Variants in PRKN observed in about 807,000 individuals in gnomAD.
PRKN encodes parkin RBR E3 ubiquitin protein ligase.
Under a neutral mutation model 59.5 loss-of-function variants are expected in PRKN, and 56 were observed. The observed-to-expected ratio is 0.94, with a 90% CI of 0.76 to 1.18. The LOEUF is 1.18. PRKN is among the 50% of genes most tolerant of loss of function. The probability of loss-of-function intolerance (pLI) is 0.00; values close to 1 mark genes in which losing one functional copy is unlikely to be tolerated. For missense variants in PRKN, 657 were observed against 596.4 expected, an observed-to-expected ratio of 1.10 and a Z score of -1.06; for synonymous variants, 250 against 222.1, an observed-to-expected ratio of 1.13 and a Z score of -1.12.
rs148164695 is a variant in PRKN, at chr6:162,724,353, A to G, written c.7+3309T>C. 4.3e-3 allele frequency among the ~76,000 whole-genome samples: 657 copies of G among 152,284 alleles called. 3 individuals carry two copies. Among genetic ancestry groups the G allele is most frequent in the African/African-American group, 0.015 (627 of 41,552 alleles). ...CAGGGCATTCAACACATCAATCACA[A>G]TGCAGGTGGGAAATGTAAGTACTTT... On this transcript the variant is annotated intron_variant, in intron 1 of 11. Transcript: ENST00000366898.
At chr6:162,356,042 C>T (rs1340565723) in intron 2 of PRKN, among the ~76,000 whole-genome samples, 1 of 152,100 alleles carries the variant, frequency 6.6e-6, no homozygotes, top group Non-Finnish European at 1.5e-5. Flanking sequence ...AGGGCTATCT[C>T]AGACATTCTG....
chr6:162,419,122 C>T (rs894616959), intron 2 of PRKN, among the ~76,000 whole-genome samples: 2 of 152,126 alleles, frequency 1.3e-5, no homozygotes, highest in East Asian at 1.9e-4. Context: ...AAATTAACTT[C>T]GACGTTCGTA....
At chr6:162,711,225 G>A (rs558094338) in intron 1 of PRKN, among the ~76,000 whole-genome samples, 13 of 152,332 alleles carry the variant, frequency 8.5e-5, no homozygotes, top group Admixed American at 7.8e-4. Flanking sequence ...TTGGACTGCT[G>A]TAAATGACTT....
At chr6:161,827,977 T>C (rs1350582095) in intron 6 of PRKN, among the ~76,000 whole-genome samples, 2 of 152,232 alleles carry the variant, frequency 1.3e-5, no homozygotes, top group Non-Finnish European at 2.9e-5. Flanking sequence ...GTTCTGCTCA[T>C]GAATTTGAAA....
At chr6:162,146,546 G>A (rs574670459) in intron 4 of PRKN, among the ~76,000 whole-genome samples, 7 of 150,930 alleles carry the variant, frequency 4.6e-5, no homozygotes, top group Non-Finnish European at 8.8e-5. Flanking sequence ...GCTCAGTCAC[G>A]CAAGCAGGAA....
At chr6:161,515,192 T>A (rs1413463173) in intron 9 of PRKN, among the ~76,000 whole-genome samples, 2 of 152,212 alleles carry the variant, frequency 1.3e-5, no homozygotes, top group Admixed American at 6.5e-5. Context: ...TGAACATCTA[T>A]TATATGCATA....
intron 4 of PRKN, among the ~76,000 whole-genome samples, chr6:162,117,518 T>C (rs183359113): frequency 6.6e-6 from 1 of 152,204 alleles, no homozygotes; most frequent in East Asian, 1.9e-4. Context: ...GTGGGGAAAA[T>C]TGGGGGGAAG....
At position 162,539,969 on chromosome 6, in the gene PRKN, C is replaced by T. The variant is rs554118068; in HGVS notation, c.8-96496G>A. Among the ~76,000 whole-genome samples the T allele has an allele frequency of 2.0e-5, 3 of 152,296 alleles. No homozygotes were observed. In the South Asian group the frequency reaches 6.2e-4, roughly 32 times the overall value. ...ATGGAGTCTCCCTCTGTCGCCCAGG[C>T]TAGAGTGCAATGGCCTGATCTCAGC... On this transcript the variant is annotated intron_variant, in intron 1 of 11. Coordinates refer to ENST00000366898, the MANE Select transcript of PRKN (RefSeq NM_004562.3).
At chr6:162,281,253 C>G (rs1780893045) in intron 2 of PRKN, among the ~76,000 whole-genome samples, 1 of 151,548 alleles carries the variant, frequency 6.6e-6, no homozygotes, top group African/African-American at 2.4e-5. Flanking sequence ...ACATCACAGA[C>G]TGGGGCCTGT....
intron 2 of PRKN, among the ~76,000 whole-genome samples, chr6:162,384,848 T>C (rs1786713034): frequency 1.3e-5 from 2 of 152,102 alleles, no homozygotes; most frequent in African/African-American, 4.8e-5. Context: ...AGAAATGATT[T>C]GTTTAAGGAA....
intron 6 of PRKN, among the ~76,000 whole-genome samples, chr6:161,950,882 G>A (rs1178253556): frequency 6.6e-6 from 1 of 151,706 alleles, no homozygotes; most frequent in Non-Finnish European, 1.5e-5. Flanking sequence ...GGAGTTTCAG[G>A]AGAAGGAAGG....
intron 10 of PRKN, among the ~76,000 whole-genome samples, chr6:161,370,990 G>GCAGC (rs1169419915): frequency 1.3e-5 from 2 of 152,194 alleles, no homozygotes; most frequent in Non-Finnish European, 2.9e-5. Flanking sequence ...CTGCGTGTGA[G>GCAGC]CAGCCCGCCT....
intron 6 of PRKN, among the ~76,000 whole-genome samples, chr6:161,789,986 A>C (rs554044395): frequency 6.6e-6 from 1 of 152,328 alleles, no homozygotes; most frequent in African/African-American, 2.4e-5. Context: ...TACAGCACCC[A>C]GTGAGTGGAT....
At chr6:161,742,364 G>A in intron 7 of PRKN, among the ~76,000 whole-genome samples, 1 of 152,134 alleles carries the variant, frequency 6.6e-6, no homozygotes, top group East Asian at 1.9e-4. Flanking sequence ...CCATGATTGT[G>A]AGGCTTCTCC....
Position 162,686,989 on chromosome 6 carries a change from T to A in PRKN, c.7+40673A>T, listed in dbSNP as rs138964109. Among the ~76,000 whole-genome samples, 741 of 152,260 alleles carry A rather than the reference T, an allele frequency of 4.9e-3. 8 individuals carry two copies. The highest frequency in any genetic ancestry group is 0.017 in the African/African-American group (686 of 41,554). On this transcript the variant is annotated intron_variant, in intron 1 of 11. Coordinates refer to ENST00000366898, the MANE Select transcript of PRKN (RefSeq NM_004562.3). ...TGTTTTTGGTTGTTGTTGTTTTGTT[T>A]TGCTTAGGCTTTGCTTTTTTATTTT... is the stretch of plus-strand genomic sequence containing the variant.
chr6:161,672,909 A>T (rs9347532), intron 7 of PRKN, among the ~76,000 whole-genome samples: 4 of 152,006 alleles, frequency 2.6e-5, no homozygotes, highest in Non-Finnish European at 2.9e-5. Flanking sequence ...TGAAATTATT[A>T]TAAAGTGTTT....
At chr6:162,159,148 T>C (rs960520386) in intron 4 of PRKN, among the ~76,000 whole-genome samples, 1 of 152,090 alleles carries the variant, frequency 6.6e-6, no homozygotes, top group African/African-American at 2.4e-5. Context: ...GCCTTTGCCT[T>C]GCCTATCTCT....
intron 7 of PRKN, among the ~76,000 whole-genome samples, chr6:161,757,840 T>TCCCTCTCTCTCTCTCC (rs1273935807): frequency 1.0e-5 from 1 of 100,140 alleles, no homozygotes; most frequent in East Asian, 3.0e-4. Context: ...TCCATCTCTC[T>TCCCTCTCTCTCTCTCC]CTCTCTCTCT....
At chr6:162,208,276 C>T (rs1785044980) in intron 3 of PRKN, among the ~76,000 whole-genome samples, 1 of 152,194 alleles carries the variant, frequency 6.6e-6, no homozygotes, top group Non-Finnish European at 1.5e-5. Context: ...GTGGAGTAAC[C>T]AAGGTTATGC....
Sources: gnomAD v4.1 joint callset for allele counts (sites outside exome capture counted in the v4.1 genomes callset) on GRCh38, gnomAD v4.1.1 for gene constraint, MANE v1.5 for transcripts, NCBI Gene and HGNC (gene_info 2026-07-23, HGNC 2026-07-21) for gene names.